Variants in ACAD11 observed in about 807,000 individuals in gnomAD.
ACAD11 encodes the protein acyl-Coenzyme A dehydrogenase family, member 11.
ACAD11 carries 83 observed loss-of-function variants against 102.2 expected under a neutral mutation model. The observed-to-expected ratio is 0.81, with a 90% CI of 0.68 to 0.97. The LOEUF (loss-of-function observed/expected upper bound fraction) is 0.97, where lower values mean the gene tolerates loss of function less well. Among genes scored for constraint, ACAD11 ranks in the 50% least tolerant of loss-of-function variants. The pLI is 0.00. For missense variants in ACAD11, 901 were observed against 951.7 expected, an observed-to-expected ratio of 0.95 and a Z score of 0.70; for synonymous variants, 324 against 319.8, an observed-to-expected ratio of 1.01 and a Z score of -0.14.
chr3:132,599,378 G>A (rs912384378), intron 13 of ACAD11, among the ~76,000 whole-genome samples: 6 of 151,854 alleles, frequency 4.0e-5, no homozygotes, highest in Non-Finnish European at 5.9e-5. Context: ...ATGGTGGTGT[G>A]TACCTGTAAT....
chr3:132,560,266 AG>A (rs1937014875), intron 18 of ACAD11, among the ~76,000 whole-genome samples: 1 of 152,156 alleles, frequency 6.6e-6, no homozygotes, highest in African/African-American at 2.4e-5. Context: ...GCTATTAATC[AG>A]GTTTCTTTTA....
Position 132,618,664 on chromosome 3 carries a change from C to A in ACAD11, c.1384G>T (p.Ala462Ser). ...IAEETGKCFFAPDVFNCQAPD... is the reference protein window; with the variant it reads ...IAEETGKCFFSPDVFNCQAPD... ...GCTTGGCAGTTAAAGACATCTGGAG[C>A]AAAAAAGCATTTTCCTGTTTCTTCA... The change falls in exon 11 of 20, where the codon GCT becomes TCT. Residue 462 changes from alanine to serine, a missense_variant. By Grantham distance (99) the Ala-to-Ser change is moderately conservative (BLOSUM62 1). Coordinates refer to ENST00000264990, the MANE Select transcript of ACAD11 (RefSeq NM_032169.5). 2 of 1,605,344 alleles carry A rather than the reference C, an allele frequency of 1.2e-6. No individual in the cohort carries two copies. The highest frequency in any genetic ancestry group is 1.3e-5 in the African/African-American group (1 of 74,340).
At chr3:132,568,173 G>A (rs969989658) in intron 17 of ACAD11, among the ~76,000 whole-genome samples, 4 of 152,112 alleles carry the variant, frequency 2.6e-5, no homozygotes, top group Admixed American at 6.6e-5. Context: ...ACCGCAGTGA[G>A]CCAAGATCAT....
intron 5 of ACAD11, among the ~76,000 whole-genome samples, chr3:132,637,477 G>A (rs1195001261): frequency 6.6e-6 from 1 of 151,978 alleles, no homozygotes; most frequent in Non-Finnish European, 1.5e-5. Context: ...AAGAACAGAA[G>A]GTAAAGAGGG....
intron 17 of ACAD11, among the ~76,000 whole-genome samples, chr3:132,563,476 C>A (rs192382362): frequency 6.6e-6 from 1 of 152,062 alleles, no homozygotes; most frequent in African/African-American, 2.4e-5. Flanking sequence ...TCACTTTTTT[C>A]TACTTTTTAG....
chr3:132,628,062 A>G (rs1174557478), intron 8 of ACAD11, among the ~76,000 whole-genome samples: 1 of 152,226 alleles, frequency 6.6e-6, no homozygotes, highest in African/African-American at 2.4e-5. Flanking sequence ...TGACTTAAAT[A>G]TTAGAAAGAA....
rs1940544243 is a variant in ACAD11 at position 132,641,994 on chromosome 3, C to T, written c.515G>A (p.Gly172Asp). The change falls in exon 4 of 20, where the codon GGT becomes GAT. Residue 172 changes from glycine (G) to aspartate (D), a missense_variant. By Grantham distance (94) the Gly-to-Asp change is moderately conservative. Coordinates refer to ENST00000264990, the MANE Select transcript of ACAD11 (RefSeq NM_032169.5). The stretch of plus-strand genomic sequence containing the variant: ...TACCTGTCTTTTGCAGTACCCAGCA[C>T]CTATACCATATCCTTCCAGCTGCAG... ...QSLQLEGYGI[G>D]AGYCKRQVST... is the part of the protein sequence containing the mutation. 1.9e-6 allele frequency: 3 copies of T among 1,613,438 alleles called. No individual in the cohort carries two copies. Among genetic ancestry groups the T allele is most frequent in the Non-Finnish European group, 2.5e-6 (3 of 1,179,690 alleles).
In ACAD11 at chr3:132,634,785, T is replaced by C. The variant is rs1402126549; in HGVS notation, c.703-3306A>G. On this transcript the variant is annotated intron_variant, in intron 5 of 19. Coordinates refer to ENST00000264990, the MANE Select transcript of ACAD11 (RefSeq NM_032169.5). ...ATGGATGAAGCTGGAAACCATCATT[T>C]TCAGCAAACTATCGCAAGGACAAAA... 2.0e-4 allele frequency among the ~76,000 whole-genome samples: 30 copies of C among 151,930 alleles called. No individual in the cohort carries two copies. In the East Asian group the frequency reaches 5.4e-3, roughly 27 times the overall value.
At position 132,568,512 on chromosome 3, in the gene ACAD11, A is replaced by G. The variant is rs565573035; in HGVS notation, c.2001+7260T>C. On this transcript the variant is annotated intron_variant, in intron 17 of 19. Transcript: ENST00000264990. The stretch of plus-strand genomic sequence containing the variant: ...ATATAGACAAGATTATTTTTAAATT[A>G]TATGCAAAGGCAAAGGAACCAGAAT... Among the ~76,000 whole-genome samples the G allele has an allele frequency of 4.6e-5, 7 of 152,354 alleles. No individual in the cohort carries two copies. The East Asian group carries it at 1.3e-3, about 29-fold the overall frequency.
At chr3:132,593,976 C>T (rs1938193457) in intron 13 of ACAD11, among the ~76,000 whole-genome samples, 1 of 152,094 alleles carries the variant, frequency 6.6e-6, no homozygotes, top group South Asian at 2.1e-4. Flanking sequence ...ATGATTATTT[C>T]ACGTATTTTG....
chr3:132,604,977 C>T, intron 12 of ACAD11, 121 bp downstream of exon 12: 1 of 636,516 alleles, frequency 1.6e-6, no homozygotes, highest in Non-Finnish European at 2.6e-6. Flanking sequence ...AACATACTCA[C>T]ATTTTTGGCC....
In ACAD11 at chr3:132,582,970, C is replaced by A. The variant is rs192614838; in HGVS notation, c.1622-3412G>T. Among the ~76,000 whole-genome samples the A allele has an allele frequency of 1.6e-3, 243 of 152,100 alleles. 1 individual carries two copies. The highest frequency in any genetic ancestry group is 5.5e-3 in the African/African-American group (230 of 41,534). On this transcript the variant is annotated intron_variant, in intron 13 of 19. Transcript: ENST00000264990. ...GGACAGAAAATTTTTTAACAACATGCATTACATCGATGTTCATCAGGGATA... is the reference window on the plus strand; with the variant it reads ...GGACAGAAAATTTTTTAACAACATGAATTACATCGATGTTCATCAGGGATA...
intron 5 of ACAD11, among the ~76,000 whole-genome samples, chr3:132,632,801 G>A (rs917024409): frequency 6.6e-6 from 1 of 152,182 alleles, no homozygotes; most frequent in Non-Finnish European, 1.5e-5. Context: ...CACATCCCTT[G>A]TAAGTTGGAT....
At chr3:132,652,625 TTAC>T (rs1161013312) in intron 1 of ACAD11, among the ~76,000 whole-genome samples, 16 of 152,284 alleles carry the variant, frequency 1.1e-4, no homozygotes, top group African/African-American at 3.6e-4. Flanking sequence ...ACAGTCATAA[TTAC>T]TGTTTTAGGT....
chr3:132,566,951 G>T (rs1392214783), intron 17 of ACAD11, among the ~76,000 whole-genome samples: 2 of 152,154 alleles, frequency 1.3e-5, no homozygotes, highest in African/African-American at 2.4e-5. Flanking sequence ...TGTTCTAAAT[G>T]TATTTAGAGA....
chr3:132,607,817 T>C (rs532636524), intron 11 of ACAD11, among the ~76,000 whole-genome samples: 1 of 151,928 alleles, frequency 6.6e-6, no homozygotes, highest in African/African-American at 2.4e-5. Context: ...CCAAGACACA[T>C]AATCGTCAGA....
intron 1 of ACAD11, among the ~76,000 whole-genome samples, chr3:132,652,566 T>C (rs1433564676): frequency 1.3e-5 from 2 of 152,322 alleles, no homozygotes; most frequent in African/African-American, 4.8e-5. Flanking sequence ...AAATCCATTT[T>C]TTTTTTGCTT....
chr3:132,653,753 C>T (rs1021056738), intron 1 of ACAD11, among the ~76,000 whole-genome samples: 3 of 152,070 alleles, frequency 2.0e-5, no homozygotes, highest in African/African-American at 7.2e-5. Flanking sequence ...TGGTTTTCCC[C>T]CACCTCTTTG....
At chr3:132,580,904 C>T (rs888032750) in intron 13 of ACAD11, among the ~76,000 whole-genome samples, 12 of 151,812 alleles carry the variant, frequency 7.9e-5, no homozygotes, top group African/African-American at 2.9e-4. Flanking sequence ...GTAAGAGACA[C>T]TTAGAGCCAA....
Sources: gnomAD v4.1 joint callset for allele counts (sites outside exome capture counted in the v4.1 genomes callset) on GRCh38, gnomAD v4.1.1 for gene constraint, MANE v1.5 for transcripts, NCBI Gene and HGNC (gene_info 2026-07-23, HGNC 2026-07-21) for gene names.